Variants in PRCP observed in about 807,000 individuals in gnomAD.
PRCP encodes prolylcarboxypeptidase, also known as lysosomal Pro-X carboxypeptidase.
In PRCP, 46 loss-of-function variants were observed where a neutral mutation model predicts 54.2. The observed-to-expected ratio is 0.85, with a 90% CI of 0.67 to 1.09. The LOEUF is 1.09. Among genes scored for constraint, PRCP ranks in the 50% least tolerant of loss-of-function variants. The pLI is 0.00. For synonymous variants in PRCP, 240 were observed against 212.2 expected, an observed-to-expected ratio of 1.13 and a Z score of -1.14; for missense variants, 613 against 596.8, an observed-to-expected ratio of 1.03 and a Z score of -0.28.
chr11:82,823,226 A>G lies in PRCP; in HGVS notation c.*1680T>C, dbSNP rs185549117. 7.9e-5 allele frequency among the ~76,000 whole-genome samples: 12 copies of G among 152,320 alleles called. No individual in the cohort carries two copies. The East Asian group carries it at 2.1e-3, about 27-fold the overall frequency. The stretch of plus-strand genomic sequence containing the variant: ...GCAAAGTATTTTAAAGATTCTACAC[A>G]AGGGAAAAACCCTAAAATCGTAAAA... On this transcript the variant is annotated 3_prime_UTR_variant, in exon 9 of 9. Transcript: ENST00000313010.
chr11:82,836,679 G>A (rs546458815), intron 8 of PRCP, among the ~76,000 whole-genome samples: 1 of 152,130 alleles, frequency 6.6e-6, no homozygotes, highest in African/African-American at 2.4e-5. Flanking sequence ...CTCCTGAGTA[G>A]CTGAGACTGC....
intron 1 of PRCP, among the ~76,000 whole-genome samples, chr11:82,898,709 T>C (rs2121291800): frequency 6.6e-6 from 1 of 152,310 alleles, no homozygotes; most frequent in East Asian, 1.9e-4. Flanking sequence ...CCAACCCTCC[T>C]AATTTACAAA....
chr11:82,884,805 G>GA (rs1158633031), intron 1 of PRCP: 6 of 1,609,938 alleles, frequency 3.7e-6, no homozygotes, highest in Non-Finnish European at 5.1e-6. Flanking sequence ...AATGCAGAAT[G>GA]AAAAAAATAA....
At chr11:82,899,706 G>A (rs900437732) in intron 1 of PRCP, among the ~76,000 whole-genome samples, 1 of 152,130 alleles carries the variant, frequency 6.6e-6, no homozygotes, top group African/African-American at 2.4e-5. Context: ...CAGTCTTATG[G>A]GGAATAGGGA....
At chr11:82,899,770 T>C (rs1216994086) in intron 1 of PRCP, among the ~76,000 whole-genome samples, 1 of 152,212 alleles carries the variant, frequency 6.6e-6, no homozygotes, top group Admixed American at 6.5e-5. Flanking sequence ...GCTGACCCCT[T>C]CTGAGAGGCT....
chr11:82,882,882 C>T (rs1342722160), intron 1 of PRCP, among the ~76,000 whole-genome samples: 1 of 152,084 alleles, frequency 6.6e-6, no homozygotes, highest in Non-Finnish European at 1.5e-5. Context: ...CACAGCCCTA[C>T]TGCCACAGAC....
chr11:82,884,228 A>G (rs1859814831), intron 1 of PRCP, among the ~76,000 whole-genome samples: 1 of 152,216 alleles, frequency 6.6e-6, no homozygotes, highest in Non-Finnish European at 1.5e-5. Flanking sequence ...ATGCTGGCCA[A>G]ACATGCTGGT....
chr11:82,837,608 G>A (rs1858558869), intron 8 of PRCP, among the ~76,000 whole-genome samples: 1 of 152,174 alleles, frequency 6.6e-6, no homozygotes, highest in Non-Finnish European at 1.5e-5. Context: ...GTATGTAGTG[G>A]CATCTCCTAT....
intron 1 of PRCP, among the ~76,000 whole-genome samples, chr11:82,885,396 A>G (rs192583492): frequency 6.6e-6 from 1 of 152,350 alleles, no homozygotes; most frequent in African/African-American, 2.4e-5. Context: ...ATAAACCCAC[A>G]TCTCAAGGGA....
Position 82,839,390 on chromosome 11 carries a change from A to G in PRCP, c.957T>C (p.Ser319=), listed in dbSNP as rs1858606303. Residue 319 remains serine (S), a synonymous_variant, in exon 7 of 9, where the codon TCT becomes TCC. Transcript: ENST00000313010. ...AAATATTCTGCAGCAGCAGTGAATC[A>G]GATACATTGGGATTTTTCAAATACT... is the stretch of plus-strand genomic sequence containing the variant. ...VCQYLKNPNV[S]DSLLLQNIFQ... The G allele has an allele frequency of 6.2e-7, 1 of 1,613,352 alleles. No homozygotes were observed. The highest frequency in any genetic ancestry group is 2.2e-5 in the East Asian group (1 of 44,884).
At chr11:82,894,040 AT>A (rs1386351168) in intron 1 of PRCP, among the ~76,000 whole-genome samples, 1 of 152,072 alleles carries the variant, frequency 6.6e-6, no homozygotes, top group Non-Finnish European at 1.5e-5. Flanking sequence ...TTTATGGTCA[AT>A]TTTTTCAATT....
intron 1 of PRCP, among the ~76,000 whole-genome samples, chr11:82,863,953 C>T (rs1161083004): frequency 2.6e-5 from 4 of 152,214 alleles, no homozygotes; most frequent in Non-Finnish European, 4.4e-5. Context: ...GGGCAAATTA[C>T]TTAACCTCTC....
intron 1 of PRCP, 63 bp downstream of exon 1, chr11:82,900,172 G>A: frequency 1.9e-6 from 3 of 1,576,708 alleles, no homozygotes; most frequent in South Asian, 2.3e-5. Flanking sequence ...CGTTGCCCGG[G>A]CTCTGAGGGT....
chr11:82,835,883 G>T, intron 8 of PRCP: 1 of 457,730 alleles, frequency 2.2e-6, no homozygotes, highest in Non-Finnish European at 4.4e-6. Context: ...GATCCCAGAT[G>T]AGGATGGAAT....
At chr11:82,861,551 C>T (rs1304122896) in intron 1 of PRCP, among the ~76,000 whole-genome samples, 1 of 152,066 alleles carries the variant, frequency 6.6e-6, no homozygotes, top group African/African-American at 2.4e-5. Context: ...TATGTATCTC[C>T]TCATGTGGCA....
intron 6 of PRCP, among the ~76,000 whole-genome samples, chr11:82,841,246 C>T (rs1858660405): frequency 6.7e-6 from 1 of 149,128 alleles, no homozygotes; most frequent in Non-Finnish European, 1.5e-5. Context: ...ACAGTTCTGC[C>T]TGGCACCAGC....
At chr11:82,849,387 C>G (rs1254868808) in intron 5 of PRCP, among the ~76,000 whole-genome samples, 169 bp from the exon 6 acceptor site, 2 of 152,150 alleles carry the variant, frequency 1.3e-5, no homozygotes, top group East Asian at 3.9e-4. Context: ...GTTGCCTATC[C>G]TCATAGAGTT....
intron 2 of PRCP, among the ~76,000 whole-genome samples, chr11:82,856,755 TA>T (rs201259389): frequency 6.6e-6 from 1 of 150,626 alleles, no homozygotes; most frequent in Non-Finnish European, 1.5e-5. Flanking sequence ...ATTTCAACTT[TA>T]AAAAAAAATG....
chr11:82,831,819 C>A (rs566148646), intron 8 of PRCP, among the ~76,000 whole-genome samples: 1 of 152,150 alleles, frequency 6.6e-6, no homozygotes, highest in African/African-American at 2.4e-5. Context: ...TTGCTGCAGG[C>A]ATCAACCTGT....
Sources: gnomAD v4.1 joint callset for allele counts (sites outside exome capture counted in the v4.1 genomes callset) on GRCh38, gnomAD v4.1.1 for gene constraint, MANE v1.5 for transcripts, NCBI Gene and HGNC (gene_info 2026-07-23, HGNC 2026-07-21) for gene names.